Variants in UBE2N observed in about 807,000 individuals in gnomAD.
UBE2N encodes ubiquitin conjugating enzyme E2 N.
For missense variants in UBE2N, 60 were observed against 192.1 expected (o/e 0.31, Z 4.07); for synonymous variants, 70 against 69.2 (o/e 1.01, Z -0.06).
intron 1 of UBE2N, among the ~76,000 whole-genome samples, chr12:93,416,837 T>C (rs1326489751): frequency 3.2e-5 from 4 of 125,330 alleles, no homozygotes; most frequent in Non-Finnish European, 6.3e-5. Context: ...TGGGCAAGCA[T>C]AGTGAGACCC....
intron 1 of UBE2N, among the ~76,000 whole-genome samples, chr12:93,430,846 G>A (rs1878743146): frequency 6.7e-6 from 1 of 149,866 alleles, no homozygotes; most frequent in African/African-American, 2.4e-5. Context: ...GGGGATGGTA[G>A]TGCATGCCTG....
intron 3 of UBE2N, chr12:93,410,469 C>CTT (rs1878001051): frequency 3.6e-6 from 2 of 558,802 alleles, no homozygotes; most frequent in South Asian, 4.8e-5. Flanking sequence ...TTACATATAA[C>CTT]TAGATAAATG....
intron 1 of UBE2N, among the ~76,000 whole-genome samples, chr12:93,424,711 A>G (rs1313285568): frequency 1.3e-5 from 2 of 152,262 alleles, no homozygotes; most frequent in African/African-American, 4.8e-5. Context: ...ACTTTGGATT[A>G]AAAAATAAAA....
At chr12:93,421,082 T>G (rs1878392082) in intron 1 of UBE2N, among the ~76,000 whole-genome samples, 1 of 152,134 alleles carries the variant, frequency 6.6e-6, no homozygotes, top group South Asian at 2.1e-4. Flanking sequence ...ATTTTACAAC[T>G]GAGAAACAAA....
At chr12:93,421,220 G>T in intron 1 of UBE2N, among the ~76,000 whole-genome samples, 1 of 138,184 alleles carries the variant, frequency 7.2e-6, no homozygotes, top group African/African-American at 2.7e-5. Context: ...GGGGGCTGGG[G>T]GGACAGATTC....
At chr12:93,421,453 C>T (rs1878409226) in intron 1 of UBE2N, among the ~76,000 whole-genome samples, 5 of 152,100 alleles carry the variant, frequency 3.3e-5, no homozygotes, top group Admixed American at 2.0e-4. Context: ...CTGCCGGGCC[C>T]GGCCCATGTT....
chr12:93,420,527 T>C (rs1878377586), intron 1 of UBE2N, among the ~76,000 whole-genome samples: 1 of 152,176 alleles, frequency 6.6e-6, no homozygotes, highest in African/African-American at 2.4e-5. Flanking sequence ...CTACGCACAA[T>C]AACTGCTGGT....
intron 1 of UBE2N, among the ~76,000 whole-genome samples, chr12:93,433,571 C>T (rs1878832642): frequency 6.6e-6 from 1 of 152,216 alleles, no homozygotes; most frequent in African/African-American, 2.4e-5. Flanking sequence ...TTCGCATACA[C>T]ACATAAGAAT....
chr12:93,411,036 AT>A lies in UBE2N; in HGVS notation c.277+16del. 2 of 1,614,016 alleles carry A rather than the reference AT, an allele frequency of 1.2e-6. No homozygotes were observed. Among genetic ancestry groups the A allele is most frequent in the Non-Finnish European group, 1.7e-6 (2 of 1,179,842 alleles). On this transcript the variant is annotated intron_variant, in intron 2 of 3. Transcript: ENST00000318066. ...GAAAGCTTAATAATAGCATATGCTGATAAAGATAACACTTACCTTTCAAAAT... is the reference window on the plus strand; with the variant it reads ...GAAAGCTTAATAATAGCATATGCTGAAAAGATAACACTTACCTTTCAAAAT...
intron 1 of UBE2N, among the ~76,000 whole-genome samples, chr12:93,432,200 C>T (rs1408697072): frequency 6.6e-6 from 1 of 152,172 alleles, no homozygotes; most frequent in Non-Finnish European, 1.5e-5. Context: ...CACTGCATTC[C>T]AGCCTGGGCC....
rs140071898 is a variant in UBE2N, at chr12:93,439,636, G to A, written c.30+2219C>T. Among the ~76,000 whole-genome samples the A allele has an allele frequency of 1.6e-3, 247 of 152,152 alleles. 1 individual carries two copies. The highest frequency in any genetic ancestry group is 3.4e-3 in the Middle Eastern group (1 of 294). ...TTGTATAGTGATTGACAGAAAAGAG[G>A]CAACTTTTAAAAATAAATTCTGATT... On this transcript the variant is annotated intron_variant, in intron 1 of 3. Coordinates refer to ENST00000318066, the MANE Select transcript of UBE2N (RefSeq NM_003348.4).
intron 1 of UBE2N, among the ~76,000 whole-genome samples, chr12:93,415,544 T>TC (rs1878180529): frequency 6.6e-6 from 1 of 152,174 alleles, no homozygotes; most frequent in Non-Finnish European, 1.5e-5. Flanking sequence ...CCTTGGGAAG[T>TC]CCTTTAACAT....
At chr12:93,423,490 C>T (rs1439755744) in intron 1 of UBE2N, among the ~76,000 whole-genome samples, 2 of 152,144 alleles carry the variant, frequency 1.3e-5, no homozygotes, top group African/African-American at 2.4e-5. Context: ...TATCAAAGAA[C>T]TTCTACTTAA....
At chr12:93,426,767 A>C (rs1201672282) in intron 1 of UBE2N, among the ~76,000 whole-genome samples, 2 of 151,950 alleles carry the variant, frequency 1.3e-5, no homozygotes. Flanking sequence ...TGGAGGTAGG[A>C]CTCTGCCAGG....
chr12:93,418,120 C>T (rs1878279420), intron 1 of UBE2N, among the ~76,000 whole-genome samples: 2 of 151,468 alleles, frequency 1.3e-5, no homozygotes, highest in Admixed American at 6.5e-5. Context: ...TGAGCCACCA[C>T]ACTTGGCCCA....
intron 1 of UBE2N, among the ~76,000 whole-genome samples, chr12:93,436,077 G>A (rs950532780): frequency 2.6e-5 from 4 of 152,012 alleles, no homozygotes; most frequent in African/African-American, 9.7e-5. Flanking sequence ...TTTTTCCCAA[G>A]ACTGTATTTT....
rs1256996929 is a variant in UBE2N, at chr12:93,409,385, CAT to C, written c.*652_*653del. ...AATAACAAAAAATATTTTACTAAAA[CAT>C]AAGATTTACAGAAGTTTCCAGACAA... On this transcript the variant is annotated 3_prime_UTR_variant, in exon 4 of 4. Transcript: ENST00000318066. The C allele has an allele frequency of 2.4e-5, 4 of 166,238 alleles. No individual in the cohort carries two copies. The highest frequency in any genetic ancestry group is 5.9e-5 in the Non-Finnish European group (4 of 68,090). 10.3% of individuals were successfully genotyped at this position (166,238 alleles called of 1,614,324 possible). A position where few individuals can be genotyped will look rare whatever the true frequency, so the allele number is the denominator to read the frequency against.
At chr12:93,413,893 G>A (rs1878111865) in intron 1 of UBE2N, among the ~76,000 whole-genome samples, 1 of 152,220 alleles carries the variant, frequency 6.6e-6, no homozygotes, top group African/African-American at 2.4e-5. Context: ...CGGGTGCGGT[G>A]GCTCACGCCT....
chr12:93,430,043 CCACTCACCACT>C (rs1219497037), intron 1 of UBE2N, among the ~76,000 whole-genome samples: 1 of 152,148 alleles, frequency 6.6e-6, no homozygotes, highest in African/African-American at 2.4e-5. Flanking sequence ...CCCTTCAAAT[CCACTCACCACT>C]CACTCACCCA....
Sources: gnomAD v4.1 joint callset for allele counts (sites outside exome capture counted in the v4.1 genomes callset) on GRCh38, gnomAD v4.1.1 for gene constraint, MANE v1.5 for transcripts, NCBI Gene and HGNC (gene_info 2026-07-23, HGNC 2026-07-21) for gene names.